Variants in TRIO observed in about 807,000 individuals in gnomAD.
TRIO encodes trio Rho guanine nucleotide exchange factor, also known as triple functional domain protein.
In TRIO, 58 loss-of-function variants were observed where a neutral mutation model predicts 351.9. The observed-to-expected ratio is 0.16, with a 90% CI of 0.13 to 0.21. The LOEUF is 0.21. TRIO is among the 10% of genes least tolerant of loss of function. The pLI is 1.00. For synonymous variants in TRIO, 1,758 were observed against 1,595.7 expected, an observed-to-expected ratio of 1.10 and a Z score of -2.42; for missense variants, 3,201 against 4,027.8, an observed-to-expected ratio of 0.79 and a Z score of 5.56.
chr5:14,152,552 A>G (rs991143765), intron 1 of TRIO, among the ~76,000 whole-genome samples: 2 of 152,044 alleles, frequency 1.3e-5, no homozygotes, highest in African/African-American at 2.4e-5. Context: ...TTGTATTTCT[A>G]GTAGAGACGG....
chr5:14,467,659 C>A (rs561380071), intron 37 of TRIO, among the ~76,000 whole-genome samples: 176 of 152,082 alleles, frequency 1.2e-3, no homozygotes, highest in Middle Eastern at 6.8e-3. Flanking sequence ...CAAAAAAATA[C>A]AAAAATCAGC....
intron 4 of TRIO, among the ~76,000 whole-genome samples, chr5:14,288,800 G>A (rs762119317): frequency 6.6e-6 from 1 of 152,060 alleles, no homozygotes; most frequent in African/African-American, 2.4e-5. Flanking sequence ...CCAGCACGCC[G>A]GACCAGCCCT....
intron 1 of TRIO, among the ~76,000 whole-genome samples, chr5:14,262,456 C>T (rs950720426): frequency 2.0e-5 from 3 of 152,032 alleles, no homozygotes; most frequent in African/African-American, 7.2e-5. Context: ...AGGCAGCATA[C>T]ATCAGATCAT....
intron 1 of TRIO, among the ~76,000 whole-genome samples, chr5:14,236,790 T>G (rs188128763): frequency 1.3e-5 from 2 of 152,318 alleles, no homozygotes; most frequent in East Asian, 3.9e-4. Context: ...TACAGAGTTG[T>G]GCAGCCATCA....
In TRIO at chr5:14,460,332, CCTGGCCGTGAA is replaced by C. The variant is rs1753683437; in HGVS notation, c.5204-685_5204-675del. The stretch of plus-strand genomic sequence containing the variant: ...GCAAAGTCCCGGTGTGCCGCCGTGG[CCTGGCCGTGAA>C]CAGGAAAGAGGCTGAGGGCCGCTCC... On this transcript the variant is annotated intron_variant, in intron 34 of 56. Coordinates refer to ENST00000344204, the MANE Select transcript of TRIO (RefSeq NM_007118.4). Among the ~76,000 whole-genome samples the C allele has an allele frequency of 2.0e-5, 3 of 152,284 alleles. No individual in the cohort carries two copies. In the South Asian group the frequency reaches 6.2e-4, roughly 32 times the overall value.
chr5:14,296,961 T>A (rs1250824915), intron 6 of TRIO, 111 bp from the exon 7 acceptor site: 1 of 783,860 alleles, frequency 1.3e-6, no homozygotes, highest in Non-Finnish European at 2.0e-6. Flanking sequence ...CTGGGAGAGA[T>A]GTGATCACTG....
chr5:14,422,509 A>G (rs139124510), intron 34 of TRIO, among the ~76,000 whole-genome samples: 56 of 152,350 alleles, frequency 3.7e-4, no homozygotes, highest in Non-Finnish European at 5.9e-4. Flanking sequence ...GCTTGCGAAT[A>G]ATAAGCTGTT....
intron 1 of TRIO, among the ~76,000 whole-genome samples, chr5:14,268,861 G>A (rs906522257): frequency 5.3e-5 from 8 of 152,182 alleles, no homozygotes; most frequent in African/African-American, 1.2e-4. Context: ...CGGCAGCCAC[G>A]GCAGATGAAG....
At chr5:14,413,023 T>C (rs140674440) in intron 33 of TRIO, among the ~76,000 whole-genome samples, 192 of 152,366 alleles carry the variant, frequency 1.3e-3, no homozygotes, top group African/African-American at 4.3e-3. Flanking sequence ...TGAATAAATA[T>C]TCAGTTTCTG....
At chr5:14,316,414 G>T in intron 8 of TRIO, 99 bp from the exon 9 acceptor site, 2 of 1,172,500 alleles carry the variant, frequency 1.7e-6, no homozygotes, top group Non-Finnish European at 1.2e-6. Flanking sequence ...GTACGTGTGT[G>T]CCTGTATGTG....
At chr5:14,315,251 C>CTTTTTTTTTTTTTTTTT (rs761690853) in intron 8 of TRIO, among the ~76,000 whole-genome samples, 1 of 137,606 alleles carries the variant, frequency 7.3e-6, no homozygotes, top group African/African-American at 2.7e-5. Flanking sequence ...ACTTGCTCCT[C>CTTTTTTTTTTTTTTTTT]TTTTTTTTTT....
intron 21 of TRIO, among the ~76,000 whole-genome samples, chr5:14,384,451 G>A (rs1579495245): frequency 1.3e-5 from 2 of 152,208 alleles, no homozygotes; most frequent in South Asian, 4.2e-4. Context: ...CAGTTAAAAT[G>A]TTTATGTGCT....
intron 1 of TRIO, among the ~76,000 whole-genome samples, chr5:14,171,020 T>C (rs1789068087): frequency 6.6e-6 from 1 of 152,218 alleles, no homozygotes; most frequent in South Asian, 2.1e-4. Flanking sequence ...TGTTTTAGCA[T>C]TCCAAATCTT....
At chr5:14,491,613 AAC>A (rs1756492741) in intron 48 of TRIO, among the ~76,000 whole-genome samples, 1 of 152,132 alleles carries the variant, frequency 6.6e-6, no homozygotes, top group Non-Finnish European at 1.5e-5. Context: ...CTCAGGAGCT[AAC>A]ACCACTCTGT....
rs555241617 is a variant in TRIO at position 14,455,906 on chromosome 5, C to G, written c.5204-5113C>G. 1.8e-3 allele frequency among the ~76,000 whole-genome samples: 273 copies of G among 152,394 alleles called. 1 individual carries two copies. Among genetic ancestry groups the G allele is most frequent in the Middle Eastern group, 3.4e-3 (1 of 294 alleles). ...CACTGCACACCTGCACTCCTCAGCC[C>G]TTGGGCAGTCGATGGGACCGGGCGC... is the stretch of plus-strand genomic sequence containing the variant. On this transcript the variant is annotated intron_variant, in intron 34 of 56. Transcript: ENST00000344204.
rs540859881 is a variant in TRIO, at chr5:14,149,757, G to A, written c.157+5875G>A. Among the ~76,000 whole-genome samples, 12 of 146,598 alleles carry A rather than the reference G, an allele frequency of 8.2e-5. No homozygotes were observed. The East Asian group carries it at 2.9e-3, about 36-fold the overall frequency. On this transcript the variant is annotated intron_variant, in intron 1 of 56. Coordinates refer to ENST00000344204, the MANE Select transcript of TRIO (RefSeq NM_007118.4). Reference sequence around the variant, plus strand: ...GAGGATTGTAGAGTAGTCTAGAGCTGGTGTTTTGGAGGCATCTTCCTATTT... The same window carrying A: ...GAGGATTGTAGAGTAGTCTAGAGCTAGTGTTTTGGAGGCATCTTCCTATTT...
At chr5:14,296,608 G>C (rs1342030051) in intron 6 of TRIO, among the ~76,000 whole-genome samples, 1 of 152,194 alleles carries the variant, frequency 6.6e-6, no homozygotes, top group African/African-American at 2.4e-5. Flanking sequence ...GTAGAAAGGA[G>C]AGCTTGCTTT....
chr5:14,322,948 C>A (rs1452546119), intron 9 of TRIO, among the ~76,000 whole-genome samples: 1 of 152,070 alleles, frequency 6.6e-6, no homozygotes, highest in African/African-American at 2.4e-5. Flanking sequence ...GGGTCTAGAG[C>A]CAGCTCCTAA....
intron 1 of TRIO, among the ~76,000 whole-genome samples, chr5:14,222,720 T>G (rs1792722972): frequency 6.6e-6 from 1 of 152,238 alleles, no homozygotes; most frequent in Non-Finnish European, 1.5e-5. Flanking sequence ...TGTGAAGTTT[T>G]AAACCTTGTA....
Sources: allele counts gnomAD v4.1 joint callset (sites outside exome capture counted in the v4.1 genomes callset), GRCh38; gene constraint gnomAD v4.1.1; transcripts MANE v1.5; gene names NCBI Gene and HGNC (gene_info 2026-07-23, HGNC 2026-07-21).